The following IMMP2L variants were observed in gnomAD, a reference collection of about 807,000 sequenced individuals.
IMMP2L encodes the protein mitochondrial inner membrane protease subunit 2.
A neutral mutation model predicts 19.3 loss-of-function variants in IMMP2L; 18 were observed. The observed-to-expected ratio is 0.93, with a 90% CI of 0.64 to 1.38. The LOEUF (loss-of-function observed/expected upper bound fraction) is 1.38. Among genes scored for constraint, IMMP2L ranks in the 40% most tolerant of loss-of-function variants. The pLI is 0.00. For synonymous variants in IMMP2L, 76 were observed against 73.0 expected (o/e 1.04, Z -0.21); for missense variants, 233 against 218.2 (o/e 1.07, Z -0.43).
chr7:111,374,829 T>C (rs1830543181), intron 3 of IMMP2L, among the ~76,000 whole-genome samples: 1 of 152,178 alleles, frequency 6.6e-6, no homozygotes, highest in South Asian at 2.1e-4. Flanking sequence ...GCATTCAATG[T>C]TAGCTACAGC....
At chr7:110,692,415 A>AG (rs34542689) in intron 5 of IMMP2L, among the ~76,000 whole-genome samples, 86,973 of 151,608 alleles carry the variant, frequency 0.57, 25,893 homozygotes, top group African/African-American at 0.74. Context: ...CGCGGGTGAC[A>AG]GTACACTAAA....
At chr7:111,539,268 A>G (rs531571594) in intron 1 of IMMP2L, among the ~76,000 whole-genome samples, 5 of 146,440 alleles carry the variant, frequency 3.4e-5, no homozygotes, top group South Asian at 2.1e-4. Flanking sequence ...GAAAGAAAGA[A>G]AGAGAACATA....
chr7:110,982,224 TG>T (rs1821380200), intron 3 of IMMP2L, among the ~76,000 whole-genome samples: 1 of 152,162 alleles, frequency 6.6e-6, no homozygotes. Flanking sequence ...TTTGAGCTGC[TG>T]TCCTCCAAAA....
chr7:110,938,645 T>C (rs1816374331), intron 4 of IMMP2L, among the ~76,000 whole-genome samples: 1 of 152,128 alleles, frequency 6.6e-6, no homozygotes, highest in Admixed American at 6.6e-5. Context: ...TATTCAATAT[T>C]TGGGCGATGG....
chr7:111,021,665 CT>C (rs1352748903), intron 3 of IMMP2L, among the ~76,000 whole-genome samples: 8 of 152,150 alleles, frequency 5.3e-5, no homozygotes, highest in Non-Finnish European at 1.2e-4. Flanking sequence ...GGAGGATCAC[CT>C]GAGGTCAGGA....
Position 111,033,385 on chromosome 7 carries a change from G to GCA in IMMP2L, c.240-69822_240-69821dup, listed in dbSNP as rs369542674. ...TCATTGCTGGTGGGAATGCAAAGTG[G>GCA]CACAGCCACTTTGAAAGAGGGTTTG... On this transcript the variant is annotated intron_variant, in intron 3 of 5. Transcript: ENST00000405709. Among the ~76,000 whole-genome samples, 968 of 151,968 alleles carry GCA rather than the reference G, an allele frequency of 6.4e-3. 10 individuals are homozygous for GCA. The highest frequency in any genetic ancestry group is 0.022 in the African/African-American group (921 of 41,332).
At chr7:110,827,504 A>T (rs1449684188) in intron 5 of IMMP2L, among the ~76,000 whole-genome samples, 1 of 152,194 alleles carries the variant, frequency 6.6e-6, no homozygotes, top group African/African-American at 2.4e-5. Flanking sequence ...AAAATGAATA[A>T]GATATTGTCC....
At chr7:110,922,889 C>A (rs1372392532) in intron 4 of IMMP2L, among the ~76,000 whole-genome samples, 2 of 152,112 alleles carry the variant, frequency 1.3e-5, no homozygotes, top group African/African-American at 4.8e-5. Context: ...CAAGATAAAA[C>A]CTGGGAAGTG....
chr7:110,847,013 C>CT (rs1805733294), intron 5 of IMMP2L, among the ~76,000 whole-genome samples: 1 of 152,118 alleles, frequency 6.6e-6, no homozygotes. Flanking sequence ...CAGATGTCCT[C>CT]TTTATTCAAC....
intron 3 of IMMP2L, among the ~76,000 whole-genome samples, chr7:111,439,600 T>C (rs562742018): frequency 3.1e-4 from 47 of 152,076 alleles, no homozygotes; most frequent in Non-Finnish European, 5.6e-4. Context: ...ATGCTAATGA[T>C]CATCTGAGCC....
chr7:111,117,244 C>G (rs945404934), intron 3 of IMMP2L, among the ~76,000 whole-genome samples: 1 of 152,050 alleles, frequency 6.6e-6, no homozygotes, highest in Non-Finnish European at 1.5e-5. Context: ...AATTGTTAGA[C>G]ACCTTTGGAA....
chr7:110,818,243 C>A lies in IMMP2L; in HGVS notation c.408+68350G>T, dbSNP rs1230005379. Among the ~76,000 whole-genome samples the A allele has an allele frequency of 2.0e-5, 3 of 152,074 alleles. No individual in the cohort carries two copies. In the East Asian group the frequency reaches 5.8e-4, roughly 29 times the overall value. On this transcript the variant is annotated intron_variant, in intron 5 of 5. Transcript: ENST00000405709. The stretch of plus-strand genomic sequence containing the variant: ...ACAAAGGGCTAATATCCAGAATCTA[C>A]AATGAACTCAAACAAATTTACAAGA...
chr7:111,211,598 AG>A (rs1811315943), intron 3 of IMMP2L, among the ~76,000 whole-genome samples: 1 of 152,204 alleles, frequency 6.6e-6, no homozygotes, highest in African/African-American at 2.4e-5. Context: ...ATACTTGTAA[AG>A]CCATACTGTG....
At chr7:111,352,171 A>G (rs1828229400) in intron 3 of IMMP2L, among the ~76,000 whole-genome samples, 1 of 152,148 alleles carries the variant, frequency 6.6e-6, no homozygotes, top group Non-Finnish European at 1.5e-5. Flanking sequence ...GAAGCATTAT[A>G]AAACCTACAG....
At chr7:111,110,217 T>C (rs1250848998) in intron 3 of IMMP2L, among the ~76,000 whole-genome samples, 2 of 152,192 alleles carry the variant, frequency 1.3e-5, no homozygotes, top group African/African-American at 2.4e-5. Context: ...TGTTCATGGA[T>C]ATTAGACATG....
intron 3 of IMMP2L, among the ~76,000 whole-genome samples, chr7:111,431,472 C>T (rs1004716041): frequency 6.6e-6 from 1 of 151,828 alleles, no homozygotes; most frequent in African/African-American, 2.4e-5. Context: ...CTAACACCCG[C>T]CCAACATAGG....
At chr7:111,303,236 G>C (rs1822460630) in intron 3 of IMMP2L, among the ~76,000 whole-genome samples, 4 of 151,928 alleles carry the variant, frequency 2.6e-5, no homozygotes, top group Admixed American at 2.6e-4. Context: ...AGTTAAAATA[G>C]CATGTATTCT....
chr7:110,925,216 G>T (rs1308426852), intron 4 of IMMP2L, among the ~76,000 whole-genome samples: 3 of 152,050 alleles, frequency 2.0e-5, no homozygotes, highest in African/African-American at 7.2e-5. Flanking sequence ...TGAGTGAACA[G>T]AAAATAAACA....
At chr7:110,815,193 CA>C (rs1240437667) in intron 5 of IMMP2L, among the ~76,000 whole-genome samples, 4 of 152,212 alleles carry the variant, frequency 2.6e-5, no homozygotes, top group African/African-American at 9.6e-5. Context: ...TGAATTTTGT[CA>C]AAGGCCTTTT....
Sources: gnomAD v4.1 joint callset for allele counts (sites outside exome capture counted in the v4.1 genomes callset) on GRCh38, gnomAD v4.1.1 for gene constraint, MANE v1.5 for transcripts, NCBI Gene and HGNC (gene_info 2026-07-23, HGNC 2026-07-21) for gene names.